Variants in WDFY2 observed in about 807,000 individuals in gnomAD.
WDFY2 encodes WD repeat and FYVE domain containing 2.
Under a neutral mutation model 56.4 loss-of-function variants are expected in WDFY2, and 36 were observed. That is an observed-to-expected ratio of 0.64 (90% confidence interval 0.49 to 0.84). The LOEUF is 0.84. WDFY2 is among the 40% of genes least tolerant of loss of function. The pLI is 0.00. For missense variants in WDFY2, 444 were observed against 512.2 expected (o/e 0.87, Z 1.29); for synonymous variants, 176 against 183.7 (o/e 0.96, Z 0.34).
chr13:51,743,797 C>T (rs866632558), intron 7 of WDFY2, among the ~76,000 whole-genome samples: 23 of 152,238 alleles, frequency 1.5e-4, no homozygotes, highest in African/African-American at 2.6e-4. Context: ...GGCCTCAGTG[C>T]GGGGGTCACT....
intron 3 of WDFY2, among the ~76,000 whole-genome samples, chr13:51,702,122 G>T (rs1201776116): frequency 6.6e-6 from 1 of 152,058 alleles, no homozygotes; most frequent in African/African-American, 2.4e-5. Context: ...GACCAGCCTG[G>T]CCAACATGGT....
chr13:51,633,079 C>A (rs781214601), intron 1 of WDFY2, among the ~76,000 whole-genome samples: 1 of 152,214 alleles, frequency 6.6e-6, no homozygotes, highest in African/African-American at 2.4e-5. Context: ...TGTCTTTGTT[C>A]AGGAACAGTG....
chr13:51,707,687 T>TA (rs1189943527), intron 4 of WDFY2, among the ~76,000 whole-genome samples: 17 of 152,112 alleles, frequency 1.1e-4, no homozygotes, highest in African/African-American at 4.1e-4. Context: ...AGAACAGTAT[T>TA]AAAAATGGGA....
intron 3 of WDFY2, among the ~76,000 whole-genome samples, chr13:51,692,131 A>T (rs1183607662): frequency 4.6e-5 from 7 of 152,132 alleles, no homozygotes; most frequent in African/African-American, 1.7e-4. Flanking sequence ...CAATCATGTC[A>T]TCTGCAAACA....
In WDFY2 at chr13:51,598,866, G is replaced by GAGA. The variant is rs1231424166; in HGVS notation, c.137+14045_137+14047dup. The stretch of plus-strand genomic sequence containing the variant: ...ACAAATTCAGCACGAGATTGATTTG[G>GAGA]AGAAGTCACAGCAGGCACTGGTCCA... On this transcript the variant is annotated intron_variant, in intron 1 of 11. Coordinates refer to ENST00000298125, the MANE Select transcript of WDFY2 (RefSeq NM_052950.4). The GAGA allele has an allele frequency of 2.6e-5, 4 of 151,066 alleles. No individual in the cohort carries two copies. In the East Asian group the frequency reaches 7.8e-4, roughly 29 times the overall value. The allele number at this position is 151,066 out of a possible 1,614,324, so 9.4% of individuals were successfully genotyped here.
At chr13:51,702,932 C>T (rs1330098767) in intron 3 of WDFY2, among the ~76,000 whole-genome samples, 1 of 152,162 alleles carries the variant, frequency 6.6e-6, no homozygotes, top group Non-Finnish European at 1.5e-5. Context: ...ACTGTATACG[C>T]AGATGCATGG....
At chr13:51,654,921 T>C (rs2138440396) in intron 1 of WDFY2, among the ~76,000 whole-genome samples, 1 of 152,304 alleles carries the variant, frequency 6.6e-6, no homozygotes, top group East Asian at 1.9e-4. Context: ...GTAGTAAATT[T>C]AGTGAAGAGA....
chr13:51,645,712 C>T (rs560141238), intron 1 of WDFY2, among the ~76,000 whole-genome samples: 1 of 152,308 alleles, frequency 6.6e-6, no homozygotes, highest in African/African-American at 2.4e-5. Flanking sequence ...TCTCTGCTGG[C>T]TTGTGCTAAG....
intron 3 of WDFY2, among the ~76,000 whole-genome samples, chr13:51,679,825 C>G (rs1481809622): frequency 1.3e-5 from 2 of 152,118 alleles, no homozygotes; most frequent in African/African-American, 4.8e-5. Flanking sequence ...TGCTAGCAAT[C>G]CTTGGCATTC....
chr13:51,719,384 C>A, intron 5 of WDFY2, 36 bp downstream of exon 5: 1 of 1,529,192 alleles, frequency 6.5e-7, no homozygotes, highest in Non-Finnish European at 8.8e-7. Flanking sequence ...TTAGTGGGAA[C>A]TTAACTGTTG....
At chr13:51,683,658 G>A (rs1472553888) in intron 3 of WDFY2, among the ~76,000 whole-genome samples, 2 of 152,198 alleles carry the variant, frequency 1.3e-5, no homozygotes, top group African/African-American at 2.4e-5. Context: ...ATGCATGAAG[G>A]AAGCACTCAT....
In WDFY2 at chr13:51,609,428, G is replaced by T. The variant is rs182823706; in HGVS notation, c.137+24604G>T. ...AATCAAGCATTGATAGTTGACCTTG[G>T]AAAAAGTATAGAAAGTAGATACAAG... is the stretch of plus-strand genomic sequence containing the variant. On this transcript the variant is annotated intron_variant, in intron 1 of 11. Coordinates refer to ENST00000298125, the MANE Select transcript of WDFY2 (RefSeq NM_052950.4). Among the ~76,000 whole-genome samples, 767 of 152,156 alleles carry T rather than the reference G, an allele frequency of 5.0e-3. 5 individuals are homozygous for T. The highest frequency in any genetic ancestry group is 0.015 in the African/African-American group (605 of 41,540).
intron 1 of WDFY2, among the ~76,000 whole-genome samples, chr13:51,605,258 C>G (rs889812242): frequency 6.6e-6 from 1 of 152,220 alleles, no homozygotes; most frequent in African/African-American, 2.4e-5. Flanking sequence ...GCAATGGAGT[C>G]AGACCTGGGT....
intron 7 of WDFY2, 21 bp from the exon 8 acceptor site, chr13:51,751,289 A>G (rs751912941): frequency 2.5e-6 from 4 of 1,608,844 alleles, no homozygotes; most frequent in Non-Finnish European, 3.4e-6. Context: ...AACTGTCAAT[A>G]ACCCTTGGTT....
chr13:51,671,786 T>TC (rs1301845295), intron 2 of WDFY2, among the ~76,000 whole-genome samples: 1 of 135,504 alleles, frequency 7.4e-6, no homozygotes, highest in East Asian at 2.0e-4. Context: ...CTTTTTTTTT[T>TC]TTTTTTTTTT....
At chr13:51,718,715 G>A (rs1952421333) in intron 4 of WDFY2, among the ~76,000 whole-genome samples, 1 of 152,146 alleles carries the variant, frequency 6.6e-6, no homozygotes, top group Non-Finnish European at 1.5e-5. Context: ...ACTTTTGTAT[G>A]GCTTTATAAG....
At chr13:51,600,996 A>G (rs1954268333) in intron 1 of WDFY2, among the ~76,000 whole-genome samples, 1 of 152,156 alleles carries the variant, frequency 6.6e-6, no homozygotes. Context: ...TAGTGAATAT[A>G]AGATGAAGAA....
intron 1 of WDFY2, among the ~76,000 whole-genome samples, chr13:51,637,301 A>C (rs1023062829): frequency 6.6e-6 from 1 of 152,202 alleles, no homozygotes; most frequent in African/African-American, 2.4e-5. Flanking sequence ...TTATTTCTAG[A>C]ATTAAATTTC....
chr13:51,618,814 G>A (rs965930993), intron 1 of WDFY2, among the ~76,000 whole-genome samples: 1 of 152,196 alleles, frequency 6.6e-6, no homozygotes, highest in African/African-American at 2.4e-5. Flanking sequence ...GTCTGCCAAT[G>A]CAAAACAATA....
Sources: gnomAD v4.1 joint callset for allele counts (sites outside exome capture counted in the v4.1 genomes callset) on GRCh38, gnomAD v4.1.1 for gene constraint, MANE v1.5 for transcripts, NCBI Gene and HGNC (gene_info 2026-07-23, HGNC 2026-07-21) for gene names.